Variants in AGAP1 observed in about 807,000 individuals in gnomAD.
The protein encoded by AGAP1 is arf-GAP with GTPase, ANK repeat and PH domain-containing protein 1.
AGAP1 carries 29 observed loss-of-function variants against 105.3 expected under a neutral mutation model. The ratio of observed to expected loss-of-function variants is 0.28; its 90% CI spans 0.21 to 0.38. AGAP1 has a LOEUF of 0.38. Among genes scored for constraint, AGAP1 ranks in the 10% least tolerant of loss-of-function variants. The pLI, the probability that AGAP1 is intolerant of heterozygous loss-of-function variation, is 1.00. For synonymous variants in AGAP1, 509 were observed against 485.9 expected, an observed-to-expected ratio of 1.05 and a Z score of -0.63; for missense variants, 998 against 1,165.1, an observed-to-expected ratio of 0.86 and a Z score of 2.09.
At chr2:235,525,332 C>G (rs1942787824) in intron 1 of AGAP1, among the ~76,000 whole-genome samples, 1 of 124,108 alleles carries the variant, frequency 8.1e-6, no homozygotes, top group South Asian at 2.8e-4. Context: ...ATGTGGAGGA[C>G]TAATACATAA....
chr2:235,747,087 A>G lies in AGAP1; in HGVS notation c.538+2248A>G, dbSNP rs1370450512. ...GTGGGTATGTGATAGGCATCTTAAC[A>G]ATGGCTGCTTTTGTTCCTCATATTT... is the stretch of plus-strand genomic sequence containing the variant. On this transcript the variant is annotated intron_variant, in intron 5 of 17. Coordinates refer to ENST00000304032, the MANE Select transcript of AGAP1 (RefSeq NM_001037131.3). This position sits in a 1 kb window ranked among gnomAD's most constrained non-coding sequence, Gnocchi z 5.0. Among the ~76,000 whole-genome samples, 1 of 152,100 alleles carries G rather than the reference A, an allele frequency of 6.6e-6. No homozygotes were observed. The highest frequency in any genetic ancestry group is 1.5e-5 in the Non-Finnish European group (1 of 68,020).
intron 9 of AGAP1, among the ~76,000 whole-genome samples, chr2:235,826,072 T>C (rs1243634199): frequency 6.6e-6 from 1 of 151,900 alleles, no homozygotes; most frequent in Non-Finnish European, 1.5e-5. Flanking sequence ...AGAGGAGGTG[T>C]GCGAAACCAT....
At position 235,563,492 on chromosome 2, in the gene AGAP1, T is replaced by A. The variant is rs900563657; in HGVS notation, c.163+68643T>A. ...CCTTCTGTGGAGGAAAGTAATGTGT[T>A]AATTGGATCCAGGGTCCTCAGCACA... On this transcript the variant is annotated intron_variant, in intron 1 of 17. Coordinates refer to ENST00000304032, the MANE Select transcript of AGAP1 (RefSeq NM_001037131.3). Among the ~76,000 whole-genome samples the A allele has an allele frequency of 2.6e-5, 4 of 151,248 alleles. No homozygotes were observed. In the East Asian group the frequency reaches 7.8e-4, roughly 30 times the overall value.
At position 235,601,687 on chromosome 2, in the gene AGAP1, CA is replaced by C. The variant is rs1945736474; in HGVS notation, c.163+106841del. Among the ~76,000 whole-genome samples, 2 of 152,162 alleles carry C rather than the reference CA, an allele frequency of 1.3e-5. No individual in the cohort carries two copies. The highest frequency in any genetic ancestry group is 4.2e-4 in the South Asian group (2 of 4,814). On this transcript the variant is annotated intron_variant, in intron 1 of 17. Transcript: ENST00000304032. The surrounding 1 kb of genome is among the most constrained non-coding windows in gnomAD (Gnocchi z 4.4). ...GATGAGATTTGGGTGGGGACACAGCCAAACCATATCACCAGTCCGTGGAGCC... is the reference window on the plus strand; with the variant it reads ...GATGAGATTTGGGTGGGGACACAGCCAACCATATCACCAGTCCGTGGAGCC...
intron 13 of AGAP1, among the ~76,000 whole-genome samples, chr2:236,024,490 G>A (rs536569378): frequency 9.9e-5 from 15 of 151,890 alleles, no homozygotes; most frequent in African/African-American, 3.4e-4. Context: ...CCCTCCCCTC[G>A]CACCCACTTC....
At chr2:235,811,765 C>T (rs922748125) in intron 9 of AGAP1, among the ~76,000 whole-genome samples, 4 of 152,234 alleles carry the variant, frequency 2.6e-5, no homozygotes, top group African/African-American at 9.6e-5. Context: ...CAGGGTGTCT[C>T]ACGCTCTTGG....
At chr2:236,066,919 C>G (rs2058360150) in intron 16 of AGAP1, among the ~76,000 whole-genome samples, 1 of 152,172 alleles carries the variant, frequency 6.6e-6, no homozygotes, top group Non-Finnish European at 1.5e-5. Flanking sequence ...GTTTTTGTGC[C>G]TGGCTACTAT....
At chr2:235,562,910 A>C (rs901245967) in intron 1 of AGAP1, among the ~76,000 whole-genome samples, 1 of 152,008 alleles carries the variant, frequency 6.6e-6, no homozygotes, top group African/African-American at 2.4e-5. Flanking sequence ...AATACAAAAA[A>C]ATTAGCCCGG....
At chr2:235,669,623 C>T (rs1186607623) in intron 1 of AGAP1, 2 of 141,624 alleles carry the variant, frequency 1.4e-5, no homozygotes, top group Non-Finnish European at 3.1e-5. Flanking sequence ...CATTTTAAAC[C>T]GCCGCCCGCC....
intron 16 of AGAP1, among the ~76,000 whole-genome samples, chr2:236,063,873 GA>G (rs1255230950): frequency 6.6e-6 from 1 of 152,194 alleles, no homozygotes; most frequent in Non-Finnish European, 1.5e-5. Context: ...CAGGGGTCTG[GA>G]AGATGAACAT....
At chr2:235,618,634 C>T (rs1180792129) in intron 1 of AGAP1, among the ~76,000 whole-genome samples, 1 of 151,896 alleles carries the variant, frequency 6.6e-6, no homozygotes, top group African/African-American at 2.4e-5. Context: ...AATAATGTAC[C>T]ATAAAAGCTT....
rs765589311 is a variant in AGAP1, at chr2:235,807,205, T to G, written c.958-34T>G. 21 of 1,602,134 alleles carry G rather than the reference T, an allele frequency of 1.3e-5. No individual in the cohort carries two copies. In the South Asian group the frequency reaches 2.2e-4, roughly 17 times the overall value. ...GAGCCCCGTCTGTGAACCACAGCCC[T>G]TACCCAGATGCCAACTTTCCTTTTG... On this transcript the variant is annotated intron_variant, in intron 8 of 17. Transcript: ENST00000304032.
At chr2:235,975,480 G>A (rs1050944161) in intron 13 of AGAP1, among the ~76,000 whole-genome samples, 1 of 152,182 alleles carries the variant, frequency 6.6e-6, no homozygotes, top group African/African-American at 2.4e-5. Flanking sequence ...CCGTGATTGG[G>A]AGGGCAGTGT....
Position 235,867,400 on chromosome 2 carries a change from T to C in AGAP1, c.1051-15945T>C, listed in dbSNP as rs1049920697. 2.0e-5 allele frequency among the ~76,000 whole-genome samples: 3 copies of C among 152,170 alleles called. No homozygotes were observed. Among genetic ancestry groups the C allele is most frequent in the Non-Finnish European group, 4.4e-5 (3 of 68,028 alleles). Reference sequence around the variant, plus strand: ...GGCAGAGGATCAGATTTGGCCGACATGTGGGAGCTTGCCGGCCCCAGTCCC... The same window carrying C: ...GGCAGAGGATCAGATTTGGCCGACACGTGGGAGCTTGCCGGCCCCAGTCCC... On this transcript the variant is annotated intron_variant, in intron 9 of 17. Coordinates refer to ENST00000304032, the MANE Select transcript of AGAP1 (RefSeq NM_001037131.3). The surrounding 1 kb of genome is among the most constrained non-coding windows in gnomAD (Gnocchi z 5.4).
intron 16 of AGAP1, among the ~76,000 whole-genome samples, chr2:236,102,628 A>G (rs1239529701): frequency 1.3e-5 from 2 of 151,326 alleles, no homozygotes; most frequent in Non-Finnish European, 2.9e-5. Flanking sequence ...ACTTCCTTTG[A>G]GCAGAATAAT....
At chr2:235,710,124 G>A (rs1219730193) in intron 2 of AGAP1, among the ~76,000 whole-genome samples, 16 of 152,214 alleles carry the variant, frequency 1.1e-4, no homozygotes, top group Admixed American at 1.0e-3. Context: ...GGCCTGCCTA[G>A]TGTGTCTGTC....
At chr2:235,844,628 C>A (rs1300758620) in intron 9 of AGAP1, among the ~76,000 whole-genome samples, 7 of 152,236 alleles carry the variant, frequency 4.6e-5, no homozygotes, top group African/African-American at 1.7e-4. Flanking sequence ...ATTTAAGGCT[C>A]CCCCTGACCG....
Position 236,036,498 on chromosome 2 carries a change from G to A in AGAP1, c.1646-63G>A. ...ACCCAGAGGCGCTTCTGTGACAGAG[G>A]GCCCGCAGGGGGACTGCTGTCTCAT... On this transcript the variant is annotated intron_variant, in intron 13 of 17. Coordinates refer to ENST00000304032, the MANE Select transcript of AGAP1 (RefSeq NM_001037131.3). The surrounding 1 kb of genome is among the most constrained non-coding windows in gnomAD (Gnocchi z 5.7). The A allele has an allele frequency of 1.9e-6, 3 of 1,580,952 alleles. No homozygotes were observed. Among genetic ancestry groups the A allele is most frequent in the South Asian group, 2.4e-5 (2 of 84,276 alleles).
In AGAP1 at chr2:235,801,017, G is replaced by A. The variant is rs1196444059; in HGVS notation, c.957+1495G>A. ...TCCTGCCAAGTCTGGGAGATCCCCC[G>A]CCCCTCTGCCACATGTCTGGGGCAG... On this transcript the variant is annotated intron_variant, in intron 8 of 17. Transcript: ENST00000304032. The surrounding 1 kb of genome is among the most constrained non-coding windows in gnomAD (Gnocchi z 6.0). Among the ~76,000 whole-genome samples, 5 of 152,072 alleles carry A rather than the reference G, an allele frequency of 3.3e-5. No homozygotes were observed. The highest frequency in any genetic ancestry group is 6.5e-5 in the Admixed American group (1 of 15,278).
Sources: gnomAD v4.1 joint callset for allele counts (sites outside exome capture counted in the v4.1 genomes callset) on GRCh38, gnomAD v4.1.1 for gene constraint, Gnocchi (gnomAD v3.1) non-coding constraint, MANE v1.5 for transcripts, NCBI Gene and HGNC (gene_info 2026-07-23, HGNC 2026-07-21) for gene names.